Variants in FNDC3A observed in about 807,000 individuals in gnomAD.
FNDC3A encodes the protein fibronectin type-III domain-containing protein 3A.
Under a neutral mutation model 148.9 loss-of-function variants are expected in FNDC3A, and 32 were observed. That is an observed-to-expected ratio of 0.21 (90% CI 0.16 to 0.29). FNDC3A has a LOEUF of 0.29. Among genes scored for constraint, FNDC3A ranks in the 10% least tolerant of loss-of-function variants. FNDC3A has a pLI of 1.00. For missense variants in FNDC3A, 1,191 were observed against 1,452.8 expected (o/e 0.82, Z 2.93); for synonymous variants, 472 against 473.6 (o/e 1.00, Z 0.04).
chr13:49,045,744 C>G (rs1875345452), intron 2 of FNDC3A: 6 of 645,464 alleles, frequency 9.3e-6, no homozygotes, highest in Non-Finnish European at 1.5e-5. Context: ...AGGATGTTTT[C>G]TTTGTTTTGA....
At chr13:49,170,781 T>G (rs1385902590) in intron 10 of FNDC3A, among the ~76,000 whole-genome samples, 1 of 152,170 alleles carries the variant, frequency 6.6e-6, no homozygotes, top group Non-Finnish European at 1.5e-5. Flanking sequence ...ACTTTACACT[T>G]AATAGTATCC....
At chr13:49,171,491 A>G (rs1884751888) in intron 10 of FNDC3A, among the ~76,000 whole-genome samples, 1 of 152,136 alleles carries the variant, frequency 6.6e-6, no homozygotes, top group Admixed American at 6.6e-5. Context: ...AGAGTGATTA[A>G]ATACTGAAAT....
At chr13:49,096,503 CCAT>C (rs1032169639) in intron 3 of FNDC3A, among the ~76,000 whole-genome samples, 9 of 151,998 alleles carry the variant, frequency 5.9e-5, no homozygotes, top group Non-Finnish European at 1.5e-5. Flanking sequence ...CAGTAAAATA[CCAT>C]CATATTTCAA....
intron 12 of FNDC3A, 146 bp from the exon 13 acceptor site, chr13:49,175,221 A>G: frequency 3.9e-6 from 2 of 515,108 alleles, no homozygotes; most frequent in Non-Finnish European, 6.6e-6. Flanking sequence ...GGTTATCATA[A>G]AGAGATCAAA....
chr13:49,183,488 G>A (rs1335657508), intron 14 of FNDC3A, among the ~76,000 whole-genome samples: 1 of 152,146 alleles, frequency 6.6e-6, no homozygotes, highest in Non-Finnish European at 1.5e-5. Context: ...GGTGGGGGGA[G>A]ATTATCTTTT....
In FNDC3A at chr13:49,145,667, CTA is replaced by C. The variant is rs561376641; in HGVS notation, c.820-106_820-105del. On this transcript the variant is annotated intron_variant, in intron 7 of 25. Transcript: ENST00000492622. ...GGTTTATATTTGTGAGCCATTTTAT[CTA>C]TATAAACAGATACATTTTATTTAAT... The C allele has an allele frequency of 2.3e-4, 191 of 828,076 alleles. 1 individual carries two copies. Among genetic ancestry groups the C allele is most frequent in the Middle Eastern group, 1.6e-3 (7 of 4,370 alleles). 51.3% of individuals were successfully genotyped at this position (828,076 alleles called of 1,614,324 possible).
At chr13:49,189,846 G>A (rs1358539394) in intron 17 of FNDC3A, among the ~76,000 whole-genome samples, 2 of 152,182 alleles carry the variant, frequency 1.3e-5, no homozygotes, top group Admixed American at 1.3e-4. Context: ...TGTTAAGTAT[G>A]AACCTTAATA....
intron 23 of FNDC3A, among the ~76,000 whole-genome samples, chr13:49,199,123 C>G (rs1886300305): frequency 6.6e-6 from 1 of 152,042 alleles, no homozygotes; most frequent in Non-Finnish European, 1.5e-5. Context: ...AGGGCTGGAG[C>G]CATCCTCCCA....
In FNDC3A at chr13:49,145,263, G is replaced by A. The variant is rs750966510; in HGVS notation, c.820-515G>A. ...CCATTTCTCCAAGTTTTTAACACTAGATAGTATTAGCTTTTTAATCTTCCC... is the reference window on the plus strand; with the variant it reads ...CCATTTCTCCAAGTTTTTAACACTAAATAGTATTAGCTTTTTAATCTTCCC... On this transcript the variant is annotated intron_variant, in intron 7 of 25. Transcript: ENST00000492622. Among the ~76,000 whole-genome samples the A allele has an allele frequency of 2.9e-4, 44 of 152,222 alleles. No individual in the cohort carries two copies. In the Middle Eastern group the frequency reaches 0.017, roughly 59 times the overall value.
At chr13:48,983,316 T>C (rs530012080) in intron 1 of FNDC3A, among the ~76,000 whole-genome samples, 107 of 152,332 alleles carry the variant, frequency 7.0e-4, no homozygotes, top group African/African-American at 2.4e-3. Context: ...CATACTGTAA[T>C]GTATATATAT....
chr13:49,141,820 C>G (rs181011672), intron 7 of FNDC3A, among the ~76,000 whole-genome samples: 3 of 152,090 alleles, frequency 2.0e-5, no homozygotes, highest in African/African-American at 7.2e-5. Flanking sequence ...TTTCCTGTTA[C>G]CATCTTTATC....
chr13:49,153,327 G>C (rs1179381173), intron 8 of FNDC3A, among the ~76,000 whole-genome samples: 2 of 152,138 alleles, frequency 1.3e-5, no homozygotes, highest in Non-Finnish European at 2.9e-5. Flanking sequence ...CTTTTGAGAA[G>C]TGTCTGTTCA....
intron 1 of FNDC3A, among the ~76,000 whole-genome samples, chr13:49,001,762 AC>A (rs904697232): frequency 2.6e-4 from 40 of 151,932 alleles, no homozygotes; most frequent in African/African-American, 9.4e-4. Flanking sequence ...TCTGCTTCAA[AC>A]CCTGTCTCCT....
Position 49,168,674 on chromosome 13 carries a change from T to G in FNDC3A, c.1099T>G (p.Leu367Val), listed in dbSNP as rs1372060774. ...TTCAGAGGCTGAAATCTTTACCACC[T>G]TGAGCTGTGAACCTGATATACCTAA... is the stretch of plus-strand genomic sequence containing the variant. ...TPSEAEIFTT[L>V]SCEPDIPNPP... The change falls in exon 10 of 26, where the codon TTG becomes GTG. Residue 367 changes from leucine to valine, a missense_variant. Around this residue, in one of 3 missense-constraint regions of FNDC3A, gnomAD observed 426 missense variants for 473.2 expected, o/e 0.90. Coordinates refer to ENST00000492622, the MANE Select transcript of FNDC3A (RefSeq NM_001079673.2). The G allele has an allele frequency of 6.2e-7, 1 of 1,612,602 alleles. No individual in the cohort carries two copies. Among genetic ancestry groups the G allele is most frequent in the South Asian group, 1.1e-5 (1 of 91,056 alleles).
intron 5 of FNDC3A, among the ~76,000 whole-genome samples, chr13:49,133,952 AATTG>A (rs1882181492): frequency 5.9e-5 from 9 of 152,294 alleles, no homozygotes; most frequent in Admixed American, 5.9e-4. Context: ...TAATTGATCT[AATTG>A]ATTGCAGTTG....
intron 17 of FNDC3A, among the ~76,000 whole-genome samples, chr13:49,189,025 A>G (rs899371585): frequency 2.0e-5 from 3 of 152,196 alleles, no homozygotes; most frequent in Admixed American, 1.3e-4. Context: ...CTGCTGTTTA[A>G]TCTACTTTCT....
chr13:48,994,927 T>C (rs1951996907), intron 1 of FNDC3A, among the ~76,000 whole-genome samples: 1 of 152,342 alleles, frequency 6.6e-6, no homozygotes, highest in Non-Finnish European at 1.5e-5. Flanking sequence ...ATTATACTAT[T>C]ATGTTTACAT....
At chr13:48,984,541 A>G (rs772793052) in intron 1 of FNDC3A, among the ~76,000 whole-genome samples, 25 of 152,254 alleles carry the variant, frequency 1.6e-4, no homozygotes, top group Non-Finnish European at 3.7e-4. Flanking sequence ...GAAGAATTGT[A>G]TGATAAATGA....
At chr13:49,099,481 C>G (rs1879730154) in intron 3 of FNDC3A, among the ~76,000 whole-genome samples, 1 of 151,348 alleles carries the variant, frequency 6.6e-6, no homozygotes. Context: ...CACCAGGGCA[C>G]CAAGTGGAAG....
Sources: gnomAD v4.1 joint callset for allele counts (sites outside exome capture counted in the v4.1 genomes callset) on GRCh38, gnomAD v4.1.1 for gene constraint, gnomAD v4.1.1 regional missense constraint, MANE v1.5 for transcripts, NCBI Gene and HGNC (gene_info 2026-07-23, HGNC 2026-07-21) for gene names.